The following FMNL2 variants were observed in gnomAD, a reference collection of about 807,000 sequenced individuals.
FMNL2 encodes the protein formin-like protein 2.
A neutral mutation model predicts 130.2 loss-of-function variants in FMNL2; 51 were observed. That is an observed-to-expected ratio of 0.39 (90% CI 0.31 to 0.49). The LOEUF is 0.49. Ranked by LOEUF, FMNL2 falls within the 20% of genes least tolerant of loss-of-function variation. The probability of loss-of-function intolerance (pLI) is 0.85; values close to 1 mark genes in which losing one functional copy is unlikely to be tolerated. For synonymous variants in FMNL2, 465 were observed against 467.1 expected, an observed-to-expected ratio of 1.00 and a Z score of 0.06; for missense variants, 977 against 1,316.2, an observed-to-expected ratio of 0.74 and a Z score of 3.99.
At chr2:152,405,224 A>G (rs950185613) in intron 1 of FMNL2, among the ~76,000 whole-genome samples, 2 of 152,176 alleles carry the variant, frequency 1.3e-5, no homozygotes, top group South Asian at 4.1e-4. Flanking sequence ...GGGCATTATC[A>G]TTAACTAGAA....
chr2:152,364,568 G>A lies in FMNL2; in HGVS notation c.117+28848G>A, dbSNP rs139058673. Among the ~76,000 whole-genome samples the A allele has an allele frequency of 6.0e-4, 91 of 152,218 alleles. 2 individuals are homozygous for A. The East Asian group carries it at 0.017, about 28-fold the overall frequency. On this transcript the variant is annotated intron_variant, in intron 1 of 25. Transcript: ENST00000288670. ...GCAAATTTGGCAGAATTTCTGAAGC[G>A]ATTCCATGACCAGTATTTCCAATAC...
chr2:152,375,810 T>C (rs1022004868), intron 1 of FMNL2, among the ~76,000 whole-genome samples: 4 of 151,034 alleles, frequency 2.6e-5, no homozygotes, highest in African/African-American at 9.7e-5. Context: ...AAAATGTGAC[T>C]TTATAGACAT....
intron 1 of FMNL2, among the ~76,000 whole-genome samples, chr2:152,520,737 A>G (rs1054330761): frequency 1.3e-5 from 2 of 152,194 alleles, no homozygotes; most frequent in African/African-American, 4.8e-5. Flanking sequence ...TGCTTGGTTT[A>G]ATTTATCATA....
intron 9 of FMNL2, among the ~76,000 whole-genome samples, chr2:152,593,649 C>T (rs185751719): frequency 6.6e-6 from 1 of 152,252 alleles, no homozygotes; most frequent in African/African-American, 2.4e-5. Flanking sequence ...ATAATATACA[C>T]TTAATGAAGA....
chr2:152,504,170 G>A (rs1468769038), intron 1 of FMNL2, among the ~76,000 whole-genome samples: 1 of 152,158 alleles, frequency 6.6e-6, no homozygotes, highest in Non-Finnish European at 1.5e-5. Context: ...CAGCCTGTGC[G>A]ACAGAGCGAG....
chr2:152,400,940 G>A (rs913243733), intron 1 of FMNL2, among the ~76,000 whole-genome samples: 6 of 152,230 alleles, frequency 3.9e-5, no homozygotes, highest in African/African-American at 1.4e-4. Flanking sequence ...AGCCAGGGAG[G>A]AATTGGAGGC....
intron 1 of FMNL2, among the ~76,000 whole-genome samples, chr2:152,349,796 A>G (rs1012691079): frequency 1.3e-5 from 2 of 152,212 alleles, no homozygotes; most frequent in African/African-American, 4.8e-5. Context: ...GAAGTAGGTG[A>G]GATTCTAGCT....
intron 1 of FMNL2, among the ~76,000 whole-genome samples, chr2:152,391,654 T>G (rs1685114491): frequency 6.6e-6 from 1 of 151,650 alleles, no homozygotes; most frequent in Admixed American, 6.6e-5. Flanking sequence ...GACACCGACT[T>G]TCCCATATTT....
intron 1 of FMNL2, among the ~76,000 whole-genome samples, chr2:152,398,225 TC>T (rs1220961267): frequency 1.3e-5 from 2 of 152,224 alleles, no homozygotes; most frequent in African/African-American, 4.8e-5. Flanking sequence ...TATGTTGCTG[TC>T]TAGCCTGTGA....
At chr2:152,352,321 G>A (rs1682541975) in intron 1 of FMNL2, among the ~76,000 whole-genome samples, 1 of 152,114 alleles carries the variant, frequency 6.6e-6, no homozygotes, top group Admixed American at 6.6e-5. Flanking sequence ...AACCTGAAAG[G>A]TAGGTATATC....
intron 9 of FMNL2, among the ~76,000 whole-genome samples, chr2:152,586,291 C>CT (rs1697072455): frequency 6.6e-6 from 1 of 152,186 alleles, no homozygotes; most frequent in Non-Finnish European, 1.5e-5. Context: ...AGTAGTTGTT[C>CT]TTTTTTCTGC....
intron 1 of FMNL2, among the ~76,000 whole-genome samples, chr2:152,415,816 C>A (rs765413545): frequency 6.6e-6 from 1 of 152,204 alleles, no homozygotes; most frequent in Non-Finnish European, 1.5e-5. Flanking sequence ...CAAGTAGTTT[C>A]TTCACCAAAG....
chr2:152,339,777 G>C (rs912072001), intron 1 of FMNL2, among the ~76,000 whole-genome samples: 1 of 152,154 alleles, frequency 6.6e-6, no homozygotes, highest in Admixed American at 6.5e-5. Context: ...TTTTGTTTTA[G>C]GAAGGAGTGG....
intron 9 of FMNL2, among the ~76,000 whole-genome samples, chr2:152,603,962 A>G (rs1210904255): frequency 2.6e-5 from 4 of 151,170 alleles, no homozygotes; most frequent in East Asian, 4.1e-4. Flanking sequence ...TGCTGGTCCA[A>G]CAACCACAAG....
chr2:152,384,678 C>T (rs977333216), intron 1 of FMNL2, among the ~76,000 whole-genome samples: 6 of 152,160 alleles, frequency 3.9e-5, no homozygotes, highest in African/African-American at 1.2e-4. Context: ...CCCTTGAGTG[C>T]GCCTTCATCC....
At chr2:152,588,903 A>G (rs1432584822) in intron 9 of FMNL2, among the ~76,000 whole-genome samples, 9 of 152,086 alleles carry the variant, frequency 5.9e-5, no homozygotes, top group Middle Eastern at 3.2e-3. Context: ...CTGAAAGTCA[A>G]TTAACAGTGG....
chr2:152,568,218 G>GTTTTTTTTTTTTTTTTTTTTTT (rs1177965681), intron 6 of FMNL2, among the ~76,000 whole-genome samples: 19 of 34,856 alleles, frequency 5.5e-4, no homozygotes, highest in African/African-American at 1.3e-3. Context: ...ATTTTGGTGG[G>GTTTTTTTTTTTTTTTTTTTTTT]TTTTTTTTTT....
intron 2 of FMNL2, among the ~76,000 whole-genome samples, chr2:152,536,243 A>G (rs1377622825): frequency 2.0e-5 from 3 of 152,064 alleles, no homozygotes; most frequent in Non-Finnish European, 4.4e-5. Context: ...GCAACATTTT[A>G]TTTTCATCTT....
chr2:152,368,413 T>A (rs1683686377), intron 1 of FMNL2, among the ~76,000 whole-genome samples: 1 of 152,166 alleles, frequency 6.6e-6, no homozygotes, highest in Non-Finnish European at 1.5e-5. Flanking sequence ...ACTTAACCCA[T>A]GTATTTTTTA....
Sources: allele counts gnomAD v4.1 joint callset (sites outside exome capture counted in the v4.1 genomes callset), GRCh38; gene constraint gnomAD v4.1.1; transcripts MANE v1.5; gene names NCBI Gene and HGNC (gene_info 2026-07-23, HGNC 2026-07-21).